Variants in AGTPBP1 observed in about 807,000 individuals in gnomAD.
AGTPBP1 encodes cytosolic carboxypeptidase 1.
In AGTPBP1, 70 loss-of-function variants were observed where a neutral mutation model predicts 143.9. The observed-to-expected ratio is 0.49, with a 90% CI of 0.40 to 0.59. The LOEUF (loss-of-function observed/expected upper bound fraction) is 0.59. Ranked by LOEUF, AGTPBP1 falls within the 20% of genes least tolerant of loss-of-function variation. The pLI is 0.00. For synonymous variants in AGTPBP1, 463 were observed against 500.2 expected (o/e 0.93, Z 0.99); for missense variants, 1,229 against 1,464.5 (o/e 0.84, Z 2.62).
chr9:85,735,863 G>C (rs1345722305), intron 1 of AGTPBP1, among the ~76,000 whole-genome samples: 5 of 151,984 alleles, frequency 3.3e-5, no homozygotes, highest in African/African-American at 1.2e-4. Context: ...CTTTATTATT[G>C]TTTTTAATCC....
intron 2 of AGTPBP1, among the ~76,000 whole-genome samples, chr9:85,709,260 C>G (rs1307714181): frequency 6.6e-6 from 1 of 152,068 alleles, no homozygotes; most frequent in African/African-American, 2.4e-5. Flanking sequence ...AAGTATTTCA[C>G]AAAATCAGAC....
At chr9:85,668,965 ACATGTGTGTGTGTGTG>A (rs1834297204) in intron 8 of AGTPBP1, among the ~76,000 whole-genome samples, 1 of 53,618 alleles carries the variant, frequency 1.9e-5, no homozygotes, top group South Asian at 5.4e-4. Flanking sequence ...ATACATACAT[ACATGTGTGTGTGTGTG>A]TGTGTGTGTG....
At chr9:85,757,603 T>C in the AGTPBP1 span, among the ~76,000 whole-genome samples, 1,525 of 151,746 alleles carry the variant, frequency 0.01, 13 homozygotes, top group African/African-American at 0.013. Context: ...CAGGCCAAGA[T>C]CCTACATATA....
intron 25 of AGTPBP1, among the ~76,000 whole-genome samples, chr9:85,574,178 C>T (rs900573370): frequency 1.3e-5 from 2 of 152,130 alleles, no homozygotes; most frequent in South Asian, 2.1e-4. Context: ...TACCCCCAAC[C>T]CTGTGCTCTC....
the AGTPBP1 span, chr9:85,792,113 T>A: frequency 6.6e-6 from 1 of 152,232 alleles, no homozygotes; most frequent in Non-Finnish European, 1.5e-5. Context: ...ATGTCCCTGA[T>A]TTTGTCTACC....
At chr9:85,642,138 C>T (rs1055501191) in intron 13 of AGTPBP1, among the ~76,000 whole-genome samples, 5 of 152,156 alleles carry the variant, frequency 3.3e-5, no homozygotes, top group Non-Finnish European at 5.9e-5. Flanking sequence ...TAGAGATTAT[C>T]TAATTCAAAC....
intron 7 of AGTPBP1, 28 bp downstream of exon 7, chr9:85,672,522 G>C (rs1834549569): frequency 6.2e-7 from 1 of 1,601,258 alleles, no homozygotes; most frequent in Non-Finnish European, 8.5e-7. Context: ...ACAACACTGA[G>C]TTAACTAAAA....
chr9:85,652,709 C>G (rs1470388061), intron 11 of AGTPBP1, among the ~76,000 whole-genome samples: 2 of 152,148 alleles, frequency 1.3e-5, no homozygotes, highest in Non-Finnish European at 2.9e-5. Context: ...TAGAGTGTTC[C>G]TGAGTTCTGT....
chr9:85,796,920 G>A, the AGTPBP1 span, among the ~76,000 whole-genome samples: 1 of 152,030 alleles, frequency 6.6e-6, no homozygotes, highest in African/African-American at 2.4e-5. Flanking sequence ...CCGAGTAGCT[G>A]GGACTACAGG....
At chr9:85,626,184 A>T (rs1348618119) in intron 14 of AGTPBP1, among the ~76,000 whole-genome samples, 1 of 152,166 alleles carries the variant, frequency 6.6e-6, no homozygotes, top group Admixed American at 6.5e-5. Context: ...TTAGTGTGCT[A>T]TCTACATTGA....
intron 17 of AGTPBP1, among the ~76,000 whole-genome samples, chr9:85,615,120 T>C (rs1422582513): frequency 6.6e-6 from 1 of 152,152 alleles, no homozygotes; most frequent in Non-Finnish European, 1.5e-5. Context: ...CCACTAAGAA[T>C]AGGATTAAGT....
At chr9:85,735,189 T>C (rs1054184519) in intron 1 of AGTPBP1, among the ~76,000 whole-genome samples, 5 of 152,198 alleles carry the variant, frequency 3.3e-5, no homozygotes, top group Non-Finnish European at 5.9e-5. Context: ...TAACAGATTA[T>C]CCAGCCTTAA....
At chr9:85,737,176 A>G (rs1271773814) in intron 1 of AGTPBP1, among the ~76,000 whole-genome samples, 1 of 152,234 alleles carries the variant, frequency 6.6e-6, no homozygotes, top group African/African-American at 2.4e-5. Context: ...AGTAAAAATT[A>G]TTAATTTTTA....
the AGTPBP1 span, chr9:85,774,060 T>G: frequency 2.7e-6 from 4 of 1,483,936 alleles, no homozygotes; most frequent in Non-Finnish European, 3.8e-6. Context: ...TTGACAGTTA[T>G]GTAAAGTTGA....
chr9:85,802,765 T>TG, the AGTPBP1 span, among the ~76,000 whole-genome samples: 1 of 152,338 alleles, frequency 6.6e-6, no homozygotes, highest in South Asian at 2.1e-4. Flanking sequence ...CTTGTGGCTC[T>TG]GCCAACCCCA....
chr9:85,770,438 C>G, the AGTPBP1 span: 3 of 1,596,282 alleles, frequency 1.9e-6, no homozygotes, highest in Non-Finnish European at 2.6e-6. Flanking sequence ...GAAAAACTAG[C>G]TTGCCTGAGT....
At chr9:85,629,208 G>A (rs1333053923) in intron 14 of AGTPBP1, among the ~76,000 whole-genome samples, 1 of 152,122 alleles carries the variant, frequency 6.6e-6, no homozygotes, top group African/African-American at 2.4e-5. Context: ...TTTGAACTCA[G>A]TGGTATATTA....
intron 8 of AGTPBP1, among the ~76,000 whole-genome samples, chr9:85,663,804 T>TA (rs923783166): frequency 6.6e-6 from 1 of 151,564 alleles, no homozygotes; most frequent in African/African-American, 2.4e-5. Flanking sequence ...TCAGCAGAAA[T>TA]AAAAAAATAT....
At chr9:85,655,928 T>C (rs918687258) in intron 10 of AGTPBP1, among the ~76,000 whole-genome samples, 2 of 151,836 alleles carry the variant, frequency 1.3e-5, no homozygotes, top group African/African-American at 4.8e-5. Flanking sequence ...CCTGGGTTCA[T>C]ACCATTCTCC....
Sources: gnomAD v4.1 joint callset for allele counts (sites outside exome capture counted in the v4.1 genomes callset) on GRCh38, gnomAD v4.1.1 for gene constraint, MANE v1.5 for transcripts, NCBI Gene and HGNC (gene_info 2026-07-23, HGNC 2026-07-21) for gene names.